Variants in HMG20A observed in about 807,000 individuals in gnomAD.
HMG20A encodes high mobility group protein 20A.
Under a neutral mutation model 43.9 loss-of-function variants are expected in HMG20A, and 17 were observed. The ratio of observed to expected loss-of-function variants is 0.39; its 90% CI spans 0.27 to 0.58. The LOEUF (loss-of-function observed/expected upper bound fraction) is 0.58, where lower values mean the gene tolerates loss of function less well. Ranked by LOEUF, HMG20A falls within the 20% of genes least tolerant of loss-of-function variation. The probability of loss-of-function intolerance (pLI) is 0.59; values close to 1 mark genes in which losing one functional copy is unlikely to be tolerated. For missense variants in HMG20A, 341 were observed against 438.2 expected (o/e 0.78, Z 1.98); for synonymous variants, 132 against 147.5 (o/e 0.89, Z 0.76).
intron 5 of HMG20A, among the ~76,000 whole-genome samples, chr15:77,471,250 A>T (rs1411418036): frequency 6.6e-6 from 1 of 151,948 alleles, no homozygotes; most frequent in South Asian, 2.1e-4. Context: ...GTCTATTATC[A>T]ATGATTTTGA....
In HMG20A at chr15:77,464,263, A is replaced by C; in HGVS notation, c.113A>C (p.Tyr38Ser). The change falls in exon 3 of 10, where the codon TAC becomes TCC. Residue 38 changes from tyrosine to serine, a missense_variant. Physicochemically the swap from Tyr to Ser is moderately radical, Grantham distance 144. Around this residue, in one of 3 missense-constraint regions of HMG20A, gnomAD observed 220 missense variants for 263.6 expected, o/e 0.83. Coordinates refer to ENST00000336216, the MANE Select transcript of HMG20A (RefSeq NM_001304504.2). Reference sequence around the variant, plus strand: ...AGGTTAAATCACCCAGAGGTTCCATACAGTAGTGGCGCCACATCATCCACC... The same window carrying C: ...AGGTTAAATCACCCAGAGGTTCCATCCAGTAGTGGCGCCACATCATCCACC... The part of the protein sequence containing the change: ...TTGLNHPEVP[Y>S]SSGATSSTNN... The C allele has an allele frequency of 6.2e-7, 1 of 1,613,800 alleles. No homozygotes were observed. The highest frequency in any genetic ancestry group is 8.5e-7 in the Non-Finnish European group (1 of 1,179,790).
the HMG20A span, among the ~76,000 whole-genome samples, chr15:77,511,815 T>C: frequency 6.6e-6 from 1 of 152,146 alleles, no homozygotes; most frequent in African/African-American, 2.4e-5. Flanking sequence ...GGTAGGAATA[T>C]AAAATAGTGC....
intron 1 of HMG20A, among the ~76,000 whole-genome samples, chr15:77,440,067 T>C (rs1261448000): frequency 6.6e-6 from 1 of 152,236 alleles, no homozygotes; most frequent in Non-Finnish European, 1.5e-5. Context: ...GAGTTCTTCG[T>C]ATATTCTAAA....
At chr15:77,472,177 GTTAT>G (rs1003083097) in intron 6 of HMG20A, among the ~76,000 whole-genome samples, 140 of 151,848 alleles carry the variant, frequency 9.2e-4, no homozygotes, top group African/African-American at 3.2e-3. Flanking sequence ...CAGAAAAGTT[GTTAT>G]TTAAAGAATC....
At chr15:77,503,264 T>C in the HMG20A span, among the ~76,000 whole-genome samples, 1 of 152,196 alleles carries the variant, frequency 6.6e-6, no homozygotes, top group African/African-American at 2.4e-5. Flanking sequence ...CAGTCCCAGC[T>C]CAGTCACTGA....
intron 1 of HMG20A, among the ~76,000 whole-genome samples, chr15:77,438,523 C>T (rs1451153104): frequency 6.6e-6 from 1 of 152,142 alleles, no homozygotes; most frequent in Non-Finnish European, 1.5e-5. Context: ...AGGTTATACA[C>T]ATCTATTATG....
At chr15:77,443,462 C>T (rs1306211567) in intron 1 of HMG20A, among the ~76,000 whole-genome samples, 1 of 146,050 alleles carries the variant, frequency 6.8e-6, no homozygotes, top group Non-Finnish European at 1.5e-5. Flanking sequence ...CACGATCTCA[C>T]CTCACTGCAA....
At chr15:77,509,837 G>A in the HMG20A span, among the ~76,000 whole-genome samples, 1 of 151,572 alleles carries the variant, frequency 6.6e-6, no homozygotes, top group Non-Finnish European at 1.5e-5. Context: ...AACCTGGGAG[G>A]CAGAGGCTGC....
At chr15:77,440,345 AAAAG>A (rs1237873782) in intron 1 of HMG20A, among the ~76,000 whole-genome samples, 4 of 152,238 alleles carry the variant, frequency 2.6e-5, no homozygotes, top group Non-Finnish European at 5.9e-5. Context: ...TACACACACA[AAAAG>A]AAGTAAATGG....
In HMG20A at chr15:77,483,290, A is replaced by G. The variant is rs1236017717; in HGVS notation, c.*327A>G. ...AGCTTACTAGGTGACCCGGATGCTG[A>G]CATCTGCTGCTGCAGAAAGGAAGAC... On this transcript the variant is annotated 3_prime_UTR_variant, in exon 10 of 10. Transcript: ENST00000336216. 1 of 152,208 alleles carries G rather than the reference A, an allele frequency of 6.6e-6. No individual in the cohort carries two copies. Among genetic ancestry groups the G allele is most frequent in the Non-Finnish European group, 1.5e-5 (1 of 68,038 alleles). The allele number at this position is 152,208 out of a possible 1,614,324, so 9.4% of individuals were successfully genotyped here.
the HMG20A span, among the ~76,000 whole-genome samples, chr15:77,515,500 G>A: frequency 2.2e-3 from 339 of 152,106 alleles, no homozygotes; most frequent in Non-Finnish European, 4.0e-3. Context: ...TGTTGCACAG[G>A]CTGGTCTTGA....
intron 1 of HMG20A, among the ~76,000 whole-genome samples, chr15:77,447,081 C>T (rs2073683072): frequency 6.6e-6 from 1 of 152,192 alleles, no homozygotes; most frequent in South Asian, 2.1e-4. Context: ...GTACTCTACA[C>T]TAAGGAAATA....
At chr15:77,503,651 C>G in the HMG20A span, among the ~76,000 whole-genome samples, 1 of 152,198 alleles carries the variant, frequency 6.6e-6, no homozygotes, top group Admixed American at 6.5e-5. Flanking sequence ...TTTGCCCGAG[C>G]AGGAGAGCAT....
In HMG20A at chr15:77,464,312, T is replaced by G. The variant is rs1567402590; in HGVS notation, c.162T>G (p.Asp54Glu). 2 of 1,613,842 alleles carry G rather than the reference T, an allele frequency of 1.2e-6. No homozygotes were observed. The highest frequency in any genetic ancestry group is 1.7e-6 in the Non-Finnish European group (2 of 1,179,828). Reference protein sequence around the residue: ...SSTNNPEFVEDLSQGQLLQSE... With the variant: ...SSTNNPEFVEELSQGQLLQSE... ...CCAACAATCCAGAATTTGTGGAGGA[T>G]CTCTCTCAAGGTCAGTTGCTTCAGA... Residue 54 changes from aspartate to glutamate, a missense_variant, in exon 3 of 10, where the codon GAT becomes GAG. Transcript: ENST00000336216.
At chr15:77,424,225 C>T (rs1486716909) in intron 1 of HMG20A, among the ~76,000 whole-genome samples, 1 of 152,104 alleles carries the variant, frequency 6.6e-6, no homozygotes, top group Non-Finnish European at 1.5e-5. Context: ...CCTAATTTTT[C>T]TCCAGACCAT....
At chr15:77,497,518 A>C in the HMG20A span, among the ~76,000 whole-genome samples, 1 of 152,268 alleles carries the variant, frequency 6.6e-6, no homozygotes, top group African/African-American at 2.4e-5. Flanking sequence ...TGGCACAGCC[A>C]AGAGACTGGC....
At chr15:77,503,604 G>A in the HMG20A span, among the ~76,000 whole-genome samples, 5 of 152,248 alleles carry the variant, frequency 3.3e-5, no homozygotes, top group South Asian at 1.0e-3. Flanking sequence ...TTCCCACTTG[G>A]CAGACCCAGA....
intron 1 of HMG20A, among the ~76,000 whole-genome samples, chr15:77,434,433 A>T (rs541077433): frequency 5.9e-5 from 9 of 152,142 alleles, no homozygotes; most frequent in African/African-American, 1.9e-4. Flanking sequence ...TCTTCAAAAG[A>T]CATTATGAGA....
chr15:77,478,061 GT>G, intron 7 of HMG20A: 1 of 567,584 alleles, frequency 1.8e-6, no homozygotes, highest in Non-Finnish European at 3.1e-6. Context: ...AATTGAAACT[GT>G]TTGTTGCAAT....
Sources: gnomAD v4.1 joint callset for allele counts (sites outside exome capture counted in the v4.1 genomes callset) on GRCh38, gnomAD v4.1.1 for gene constraint, gnomAD v4.1.1 regional missense constraint, MANE v1.5 for transcripts, NCBI Gene and HGNC (gene_info 2026-07-23, HGNC 2026-07-21) for gene names.